Variants in FBXL7 observed in about 807,000 individuals in gnomAD.
FBXL7 encodes F-box/LRR-repeat protein 7.
Under a neutral mutation model 38.3 loss-of-function variants are expected in FBXL7, and 12 were observed. That is an observed-to-expected ratio of 0.31 (90% CI 0.20 to 0.51). The LOEUF (loss-of-function observed/expected upper bound fraction) is 0.51, where lower values mean the gene tolerates loss of function less well. FBXL7 is among the 20% of genes least tolerant of loss of function. The pLI is 0.98. For synonymous variants in FBXL7, 297 were observed against 300.9 expected (o/e 0.99, Z 0.13); for missense variants, 567 against 676.4 (o/e 0.84, Z 1.79).
At position 15,620,501 on chromosome 5, in the gene FBXL7, C is replaced by T. The variant is rs564972039; in HGVS notation, c.127+4429C>T. ...CTGACCTTAGGTGATTCACCCGCCTCGGCCTCCTAAAGTGCTGTTATTACA... is the reference window on the plus strand; with the variant it reads ...CTGACCTTAGGTGATTCACCCGCCTTGGCCTCCTAAAGTGCTGTTATTACA... On this transcript the variant is annotated intron_variant, in intron 2 of 3. Transcript: ENST00000504595. Among the ~76,000 whole-genome samples the T allele has an allele frequency of 4.0e-5, 6 of 151,804 alleles. No individual in the cohort carries two copies. The South Asian group carries it at 6.2e-4, about 16-fold the overall frequency.
intron 2 of FBXL7, among the ~76,000 whole-genome samples, chr5:15,894,032 A>T (rs957885604): frequency 5.3e-5 from 8 of 152,244 alleles, no homozygotes; most frequent in Non-Finnish European, 1.2e-4. Context: ...TTACGCCTGT[A>T]ATCCCAACAC....
chr5:15,550,481 G>A (rs1738033559), intron 1 of FBXL7, among the ~76,000 whole-genome samples: 1 of 152,128 alleles, frequency 6.6e-6, no homozygotes, highest in Admixed American at 6.5e-5. Flanking sequence ...GTGCTATTGA[G>A]GCACCCAAAA....
chr5:15,890,038 T>G (rs1392907378), intron 2 of FBXL7, among the ~76,000 whole-genome samples: 2 of 152,104 alleles, frequency 1.3e-5, no homozygotes, highest in Non-Finnish European at 2.9e-5. Context: ...CTATCAGACT[T>G]CATTCTCTCA....
At chr5:15,861,242 A>ACAGAC (rs1456530696) in intron 2 of FBXL7, among the ~76,000 whole-genome samples, 1 of 152,206 alleles carries the variant, frequency 6.6e-6, no homozygotes, top group Non-Finnish European at 1.5e-5. Context: ...TGGCTGCCTC[A>ACAGAC]CAGACCACAT....
intron 1 of FBXL7, among the ~76,000 whole-genome samples, chr5:15,502,327 G>T: frequency 7.3e-6 from 1 of 136,964 alleles, no homozygotes. Context: ...TTCTCGTATT[G>T]TGCAGTGTGT....
intron 2 of FBXL7, among the ~76,000 whole-genome samples, chr5:15,817,828 A>G (rs1453241200): frequency 1.3e-5 from 2 of 152,204 alleles, no homozygotes; most frequent in African/African-American, 4.8e-5. Flanking sequence ...ACCCAGTCTC[A>G]GGTGTTTCTT....
At chr5:15,748,973 G>A (rs932843980) in intron 2 of FBXL7, among the ~76,000 whole-genome samples, 1 of 152,112 alleles carries the variant, frequency 6.6e-6, no homozygotes, top group Admixed American at 6.5e-5. Context: ...AGCCTCGCAC[G>A]GTGGCTTATG....
chr5:15,577,594 TTGTGTGTGTGTGTGTGTGTGTGTGTG>T (rs34405217), intron 1 of FBXL7, among the ~76,000 whole-genome samples: 1 of 147,566 alleles, frequency 6.8e-6, no homozygotes, highest in African/African-American at 2.5e-5. Flanking sequence ...GTAATGCATT[TTGTGTGTGTGTGTGTGTGTGTGTGTG>T]TGTGTGTGTG....
At chr5:15,562,861 A>C (rs1470845497) in intron 1 of FBXL7, among the ~76,000 whole-genome samples, 1 of 152,190 alleles carries the variant, frequency 6.6e-6, no homozygotes, top group African/African-American at 2.4e-5. Flanking sequence ...CTTAAGTTCC[A>C]GGTGGAGACA....
At chr5:15,593,171 C>A (rs902689078) in intron 1 of FBXL7, among the ~76,000 whole-genome samples, 31 of 152,170 alleles carry the variant, frequency 2.0e-4, no homozygotes, top group African/African-American at 6.5e-4. Flanking sequence ...TCCCTGCGTG[C>A]CCCTTCCTCC....
chr5:15,784,480 T>C (rs1018628086), intron 2 of FBXL7, among the ~76,000 whole-genome samples: 17 of 152,282 alleles, frequency 1.1e-4, no homozygotes, highest in Admixed American at 2.6e-4. Flanking sequence ...TGTAAGAATA[T>C]TGATATGGTT....
intron 2 of FBXL7, among the ~76,000 whole-genome samples, chr5:15,640,270 C>A (rs572059585): frequency 5.5e-4 from 83 of 152,102 alleles, no homozygotes; most frequent in Non-Finnish European, 1.1e-3. Context: ...CGTTTCTCAG[C>A]CTCTTTTGGT....
rs145563872 is a variant in FBXL7, at chr5:15,927,447, T to C, written c.128-443T>C. ...AGGGAGGACATCTGTGGAATGAGAA[T>C]GTTGCCCCCATGAATGTTTTCTCTA... On this transcript the variant is annotated intron_variant, in intron 2 of 3. Transcript: ENST00000504595. Among the ~76,000 whole-genome samples the C allele has an allele frequency of 9.2e-3, 1,399 of 152,218 alleles. 10 individuals are homozygous for C. Among genetic ancestry groups the C allele is most frequent in the Non-Finnish European group, 0.015 (1,023 of 67,996 alleles).
chr5:15,696,892 G>T (rs1344107189), intron 2 of FBXL7, among the ~76,000 whole-genome samples: 1 of 152,158 alleles, frequency 6.6e-6, no homozygotes, highest in African/African-American at 2.4e-5. Flanking sequence ...ACCCTGAGTG[G>T]TGTAAATGCC....
At chr5:15,926,290 T>C (rs1251833978) in intron 2 of FBXL7, among the ~76,000 whole-genome samples, 3 of 149,250 alleles carry the variant, frequency 2.0e-5, no homozygotes, top group African/African-American at 7.3e-5. Flanking sequence ...CGTGTATATA[T>C]GTATTATTAT....
At chr5:15,650,462 G>T (rs989765869) in intron 2 of FBXL7, among the ~76,000 whole-genome samples, 3 of 152,198 alleles carry the variant, frequency 2.0e-5, no homozygotes, top group Non-Finnish European at 2.9e-5. Flanking sequence ...CATCAGGGTG[G>T]TGGTTGCTGA....
intron 2 of FBXL7, among the ~76,000 whole-genome samples, chr5:15,899,611 G>A (rs1308240642): frequency 6.6e-6 from 1 of 152,112 alleles, no homozygotes; most frequent in Admixed American, 6.6e-5. Context: ...CAGTGCTTAA[G>A]ACCTGGAGAA....
At chr5:15,547,299 A>G (rs2126416659) in intron 1 of FBXL7, among the ~76,000 whole-genome samples, 1 of 152,338 alleles carries the variant, frequency 6.6e-6, no homozygotes, top group Admixed American at 6.5e-5. Flanking sequence ...ACCTCTTGGG[A>G]AAATTTCCCT....
chr5:15,874,263 C>T (rs933273716), intron 2 of FBXL7, among the ~76,000 whole-genome samples: 1 of 152,096 alleles, frequency 6.6e-6, no homozygotes, highest in East Asian at 1.9e-4. Context: ...ATTGATGAAA[C>T]ATGTCTCAAA....
Sources: gnomAD v4.1 joint callset for allele counts (sites outside exome capture counted in the v4.1 genomes callset) on GRCh38, gnomAD v4.1.1 for gene constraint, MANE v1.5 for transcripts, NCBI Gene and HGNC (gene_info 2026-07-23, HGNC 2026-07-21) for gene names.